The following ST3GAL6 variants were observed in gnomAD, a reference collection of about 807,000 sequenced individuals.
ST3GAL6 encodes the protein ST3 beta-galactoside alpha-2,3-sialyltransferase 6.
A neutral mutation model predicts 40.5 loss-of-function variants in ST3GAL6; 31 were observed. The observed-to-expected ratio is 0.77, with a 90% CI of 0.58 to 1.03. ST3GAL6 has a LOEUF of 1.03. ST3GAL6 is among the 50% of genes least tolerant of loss of function. The pLI is 0.00. For missense variants in ST3GAL6, 357 were observed against 393.2 expected (o/e 0.91, Z 0.78); for synonymous variants, 129 against 136.9 (o/e 0.94, Z 0.40).
intron 6 of ST3GAL6, among the ~76,000 whole-genome samples, chr3:98,785,871 G>A (rs147491481): frequency 1.7e-3 from 252 of 152,278 alleles, no homozygotes; most frequent in Admixed American, 6.4e-3. Flanking sequence ...TGTTGTAGGA[G>A]AGGAAGAGAT....
intron 8 of ST3GAL6, among the ~76,000 whole-genome samples, chr3:98,791,335 G>A (rs1941189043): frequency 6.6e-6 from 1 of 152,138 alleles, no homozygotes; most frequent in Non-Finnish European, 1.5e-5. Flanking sequence ...TACTAGATTA[G>A]CCTTTCCCTA....
intron 6 of ST3GAL6, among the ~76,000 whole-genome samples, chr3:98,785,309 G>A (rs1940591848): frequency 6.6e-6 from 1 of 152,172 alleles, no homozygotes; most frequent in Non-Finnish European, 1.5e-5. Flanking sequence ...TGTGCTCCCT[G>A]TGGAGGGAAG....
At chr3:98,763,754 G>A (rs773805467) in intron 1 of ST3GAL6, among the ~76,000 whole-genome samples, 21 of 149,862 alleles carry the variant, frequency 1.4e-4, no homozygotes, top group Non-Finnish European at 2.8e-4. Flanking sequence ...AAAAAAAAAT[G>A]GAAGTTTGGC....
intron 5 of ST3GAL6, chr3:98,782,741 GTT>G (rs1940261604): frequency 6.0e-6 from 3 of 499,370 alleles, no homozygotes; most frequent in East Asian, 5.6e-5. Context: ...CATAGATCAT[GTT>G]CAGCCTCCAA....
At chr3:98,756,629 G>A in intron 1 of ST3GAL6, 1 of 1,062,632 alleles carries the variant, frequency 9.4e-7, no homozygotes. Flanking sequence ...TTCTCTTGTG[G>A]GTGATGTTAA....
intron 1 of ST3GAL6, among the ~76,000 whole-genome samples, chr3:98,767,207 C>CA (rs2107155138): frequency 6.6e-6 from 1 of 152,280 alleles, no homozygotes; most frequent in African/African-American, 2.4e-5. Context: ...GACTGCTTAG[C>CA]AAATAGCCCC....
intron 1 of ST3GAL6, among the ~76,000 whole-genome samples, chr3:98,748,744 G>A (rs920608170): frequency 6.6e-6 from 1 of 152,184 alleles, no homozygotes. Context: ...GGGATTACAG[G>A]TGTGAGCCAC....
At chr3:98,741,753 A>G (rs780632332) in intron 1 of ST3GAL6, among the ~76,000 whole-genome samples, 20 of 152,208 alleles carry the variant, frequency 1.3e-4, no homozygotes, top group Non-Finnish European at 2.2e-4. Context: ...TGGGGCTTAC[A>G]ATATGGCATG....
intron 1 of ST3GAL6, among the ~76,000 whole-genome samples, chr3:98,733,877 A>G (rs963776832): frequency 7.9e-5 from 12 of 152,180 alleles, no homozygotes; most frequent in African/African-American, 2.9e-4. Context: ...GTTTAAAAAC[A>G]GTGTGTGGGG....
At chr3:98,750,634 T>C (rs1171304251) in intron 1 of ST3GAL6, among the ~76,000 whole-genome samples, 2 of 152,016 alleles carry the variant, frequency 1.3e-5, no homozygotes, top group Non-Finnish European at 2.9e-5. Flanking sequence ...CTAGACATGC[T>C]GAATCAGAAT....
In ST3GAL6 at chr3:98,792,004, G is replaced by C. The variant is rs1276171548; in HGVS notation, c.909+11G>C. ...TCTTTGATGAATAAGGTAATATACT[G>C]TACTTTAGGTAATATACATATGCTT... On this transcript the variant is annotated intron_variant, in intron 9 of 9. Coordinates refer to ENST00000483910, the MANE Select transcript of ST3GAL6 (RefSeq NM_001323368.2). 6 of 1,591,396 alleles carry C rather than the reference G, an allele frequency of 3.8e-6. No homozygotes were observed. Among genetic ancestry groups the C allele is most frequent in the Non-Finnish European group, 5.1e-6 (6 of 1,167,920 alleles).
At chr3:98,786,487 T>C (rs867266250) in intron 6 of ST3GAL6, among the ~76,000 whole-genome samples, 6 of 152,184 alleles carry the variant, frequency 3.9e-5, no homozygotes, top group Admixed American at 1.3e-4. Context: ...CTGAGGCTCA[T>C]TGACACTCCC....
At chr3:98,752,525 G>A (rs113951683) in intron 1 of ST3GAL6, among the ~76,000 whole-genome samples, 26 of 151,486 alleles carry the variant, frequency 1.7e-4, no homozygotes, top group East Asian at 7.8e-4. Flanking sequence ...AGGCTGGAGC[G>A]CAGTGACGCC....
At chr3:98,733,403 A>G (rs961326160) in intron 1 of ST3GAL6, 3 of 1,022,700 alleles carry the variant, frequency 2.9e-6, no homozygotes, top group Non-Finnish European at 3.5e-6. Flanking sequence ...TTGGGAAGCC[A>G]AGAGGAGTGT....
intron 5 of ST3GAL6, among the ~76,000 whole-genome samples, chr3:98,781,720 T>C (rs1364394151): frequency 1.3e-5 from 2 of 152,278 alleles, no homozygotes; most frequent in South Asian, 2.1e-4. Context: ...GGCAGCCCCT[T>C]TTCTTGACAG....
At chr3:98,766,179 C>A (rs1368439157) in intron 1 of ST3GAL6, among the ~76,000 whole-genome samples, 1 of 152,084 alleles carries the variant, frequency 6.6e-6, no homozygotes, top group African/African-American at 2.4e-5. Flanking sequence ...GAATGAAAAA[C>A]AACAAAACAA....
At chr3:98,786,978 G>GTGTGTC (rs1240799725) in intron 6 of ST3GAL6, among the ~76,000 whole-genome samples, 1 of 151,774 alleles carries the variant, frequency 6.6e-6, no homozygotes, top group African/African-American at 2.4e-5. Flanking sequence ...GTGTGTGTGT[G>GTGTGTC]TGTGTGTTAG....
chr3:98,788,471 T>C lies in ST3GAL6; in HGVS notation c.756+8T>C, dbSNP rs1269151338. The C allele has an allele frequency of 1.2e-6, 2 of 1,601,132 alleles. No individual in the cohort carries two copies. The highest frequency in any genetic ancestry group is 1.7e-6 in the Non-Finnish European group (2 of 1,174,784). On this transcript the variant is annotated splice_region_variant and intron_variant, in intron 8 of 9. Coordinates refer to ENST00000483910, the MANE Select transcript of ST3GAL6 (RefSeq NM_001323368.2). ...GTGTTTCCCAAAAATCAGGTATGTATTTATCTCTGCATGGTTTCAAACTAC... is the reference window on the plus strand; with the variant it reads ...GTGTTTCCCAAAAATCAGGTATGTACTTATCTCTGCATGGTTTCAAACTAC...
intron 6 of ST3GAL6, among the ~76,000 whole-genome samples, chr3:98,785,688 G>C (rs1425486956): frequency 6.6e-6 from 1 of 152,194 alleles, no homozygotes; most frequent in Non-Finnish European, 1.5e-5. Flanking sequence ...TGGATTTTAA[G>C]TGCAACAGGA....
Sources: allele counts gnomAD v4.1 joint callset (sites outside exome capture counted in the v4.1 genomes callset), GRCh38; gene constraint gnomAD v4.1.1; transcripts MANE v1.5; gene names NCBI Gene and HGNC (gene_info 2026-07-23, HGNC 2026-07-21).